The following GREM2 variants were observed in gnomAD, a reference collection of about 807,000 sequenced individuals.
GREM2 encodes the protein gremlin-2.
Under a neutral mutation model 14.2 loss-of-function variants are expected in GREM2, and 11 were observed. The ratio of observed to expected loss-of-function variants is 0.78; its 90% CI spans 0.49 to 1.28. The LOEUF is 1.28. Among genes scored for constraint, GREM2 ranks in the 50% most tolerant of loss-of-function variants. GREM2 has a pLI of 0.00. For synonymous variants in GREM2, 98 were observed against 97.6 expected (o/e 1.00, Z -0.02); for missense variants, 210 against 218.5 (o/e 0.96, Z 0.24).
intron 1 of GREM2, among the ~76,000 whole-genome samples, chr1:240,567,224 T>C (rs1158062264): frequency 6.6e-6 from 1 of 152,132 alleles, no homozygotes; most frequent in African/African-American, 2.4e-5. Flanking sequence ...CGTGGTCTAA[T>C]ATATGTATAA....
At chr1:240,524,931 G>C (rs539711224) in intron 1 of GREM2, among the ~76,000 whole-genome samples, 3 of 152,190 alleles carry the variant, frequency 2.0e-5, no homozygotes, top group African/African-American at 7.2e-5. Flanking sequence ...GGGGCTTTGG[G>C]GTCAGGCAGG....
At chr1:240,541,098 A>G (rs183192795) in intron 1 of GREM2, among the ~76,000 whole-genome samples, 1 of 152,232 alleles carries the variant, frequency 6.6e-6, no homozygotes, top group East Asian at 1.9e-4. Flanking sequence ...TTGGCCATAA[A>G]CCCTTTTGAA....
Position 240,493,522 on chromosome 1 carries a change from T to C in GREM2, c.-1-46A>G, listed in dbSNP as rs556320600. 1.9e-4 allele frequency: 287 copies of C among 1,501,318 alleles called. No homozygotes were observed. The South Asian group carries it at 2.0e-3, about 11-fold the overall frequency. 93.0% of individuals were successfully genotyped at this position (1,501,318 alleles called of 1,614,324 possible). On this transcript the variant is annotated intron_variant, in intron 1 of 1. Coordinates refer to ENST00000318160, the MANE Select transcript of GREM2 (RefSeq NM_022469.4). ...GGGCTGGCTGTGAAGGGCCGTAGAG[T>C]ACGGGATCAATCTTACTTATTTTTT...
chr1:240,523,655 T>A (rs1678155718), intron 1 of GREM2, among the ~76,000 whole-genome samples: 1 of 152,218 alleles, frequency 6.6e-6, no homozygotes, highest in African/African-American at 2.4e-5. Flanking sequence ...TTTTTTGTTT[T>A]GTTTTGTTTT....
chr1:240,598,219 T>C (rs1222111395), intron 1 of GREM2, among the ~76,000 whole-genome samples: 2 of 152,212 alleles, frequency 1.3e-5, no homozygotes, highest in Non-Finnish European at 2.9e-5. Context: ...GAAAGCACAC[T>C]TTCTTGTTGT....
chr1:240,513,196 A>G (rs1180122737), intron 1 of GREM2, among the ~76,000 whole-genome samples: 3 of 152,182 alleles, frequency 2.0e-5, no homozygotes, highest in Non-Finnish European at 4.4e-5. Context: ...CCTGAATAAC[A>G]AGCAAGGATG....
Position 240,587,672 on chromosome 1 carries a change from C to T in GREM2, c.-2+24212G>A, listed in dbSNP as rs1679624395. On this transcript the variant is annotated intron_variant, in intron 1 of 1. Coordinates refer to ENST00000318160, the MANE Select transcript of GREM2 (RefSeq NM_022469.4). The stretch of plus-strand genomic sequence containing the variant: ...ATGTAAATAGCTTTAATATACTATT[C>T]TTATTAGCTGCATTATGTTACATTG... Among the ~76,000 whole-genome samples, 3 of 152,008 alleles carry T rather than the reference C, an allele frequency of 2.0e-5. No individual in the cohort carries two copies. The South Asian group carries it at 6.2e-4, about 32-fold the overall frequency.
chr1:240,531,689 T>G (rs1678364491), intron 1 of GREM2: 4 of 962,568 alleles, frequency 4.2e-6, no homozygotes, highest in Non-Finnish European at 4.9e-6. Flanking sequence ...TGCTCTCATT[T>G]TTCTTTTCTT....
At chr1:240,587,246 G>A (rs368828156) in intron 1 of GREM2, among the ~76,000 whole-genome samples, 15 of 151,720 alleles carry the variant, frequency 9.9e-5, no homozygotes, top group Admixed American at 1.3e-4. Flanking sequence ...ATTTTTAGGC[G>A]TATTTATATA....
chr1:240,530,236 A>G (rs1678320346), intron 1 of GREM2, among the ~76,000 whole-genome samples: 1 of 152,190 alleles, frequency 6.6e-6, no homozygotes, highest in South Asian at 2.1e-4. Context: ...GACTAATGTG[A>G]TATGTGAGTC....
chr1:240,553,629 G>A (rs1322116102), intron 1 of GREM2, among the ~76,000 whole-genome samples: 1 of 152,118 alleles, frequency 6.6e-6, no homozygotes, highest in Non-Finnish European at 1.5e-5. Context: ...AGCTTGCCAT[G>A]GCTTATTTAT....
At chr1:240,500,083 G>A (rs147680254) in intron 1 of GREM2, among the ~76,000 whole-genome samples, 1 of 151,982 alleles carries the variant, frequency 6.6e-6, no homozygotes, top group Non-Finnish European at 1.5e-5. Context: ...ATAACAATAG[G>A]TACTCACCAG....
chr1:240,547,722 T>G (rs966535716), intron 1 of GREM2, among the ~76,000 whole-genome samples: 6 of 151,280 alleles, frequency 4.0e-5, no homozygotes, highest in African/African-American at 1.2e-4. Context: ...CATGAAGAGG[T>G]GTCTTAAGAA....
At chr1:240,563,120 TGA>T (rs1299524378) in intron 1 of GREM2, among the ~76,000 whole-genome samples, 1 of 150,252 alleles carries the variant, frequency 6.7e-6, no homozygotes, top group African/African-American at 2.5e-5. Flanking sequence ...TGTGTATATG[TGA>T]GTGTGTATGT....
At chr1:240,582,014 C>T (rs1467334993) in intron 1 of GREM2, among the ~76,000 whole-genome samples, 1 of 152,224 alleles carries the variant, frequency 6.6e-6, no homozygotes, top group African/African-American at 2.4e-5. Context: ...CTGGGCCCCA[C>T]CTTCAGAGTG....
chr1:240,509,645 G>A (rs7555368), intron 1 of GREM2, among the ~76,000 whole-genome samples: 119,049 of 151,914 alleles, frequency 0.78, 47,566 homozygotes, highest in African/African-American at 0.95. Context: ...TGGGATTACA[G>A]GCATGAGCCA....
intron 1 of GREM2, 82 bp from the exon 2 acceptor site, chr1:240,493,558 A>G (rs1448754095): frequency 8.1e-5 from 114 of 1,412,102 alleles, no homozygotes; most frequent in Non-Finnish European, 1.1e-4. Context: ...TTTTTATTTT[A>G]GACATGGTCT....
intron 1 of GREM2, among the ~76,000 whole-genome samples, chr1:240,599,029 G>T (rs769134564): frequency 5.3e-5 from 8 of 152,082 alleles, no homozygotes; most frequent in Non-Finnish European, 7.4e-5. Context: ...AGCATTTTGG[G>T]AGACCGAGGC....
At chr1:240,601,421 G>A (rs926898850) in intron 1 of GREM2, among the ~76,000 whole-genome samples, 1 of 152,154 alleles carries the variant, frequency 6.6e-6, no homozygotes, top group Non-Finnish European at 1.5e-5. Context: ...CTAAGATAAT[G>A]TGAGGACATA....
Sources: gnomAD v4.1 joint callset for allele counts (sites outside exome capture counted in the v4.1 genomes callset) on GRCh38, gnomAD v4.1.1 for gene constraint, MANE v1.5 for transcripts, NCBI Gene and HGNC (gene_info 2026-07-23, HGNC 2026-07-21) for gene names.